Variants in MVD observed in about 807,000 individuals in gnomAD.
MVD encodes the protein diphosphomevalonate decarboxylase.
A neutral mutation model predicts 42.4 loss-of-function variants in MVD; 52 were observed. The ratio of observed to expected loss-of-function variants is 1.23; its 90% CI spans 0.98 to 1.55. MVD has a LOEUF of 1.55. MVD is among the 40% of genes most tolerant of loss of function. The probability of loss-of-function intolerance (pLI) is 0.00; values close to 1 mark genes in which losing one functional copy is unlikely to be tolerated. For missense variants in MVD, 663 were observed against 572.1 expected, an observed-to-expected ratio of 1.16 and a Z score of -1.62; for synonymous variants, 287 against 243.2, an observed-to-expected ratio of 1.18 and a Z score of -1.68.
In MVD at chr16:88,652,407, G is replaced by A. The variant is rs781310967; in HGVS notation, c.*118C>T. On this transcript the variant is annotated 3_prime_UTR_variant, in exon 10 of 10. Transcript: ENST00000301012. ...CTGCCCCACAGCAAGCTGCCCATGG[G>A]CCCGGGGTCAAGCCACCACCCACAT... The A allele has an allele frequency of 2.6e-4, 305 of 1,162,958 alleles. 1 individual carries two copies. The highest frequency in any genetic ancestry group is 8.9e-4 in the Admixed American group (45 of 50,324). The allele number at this position is 1,162,958 out of a possible 1,614,324, so 72.0% of individuals were successfully genotyped here.
At chr16:88,657,815 G>T in intron 3 of MVD, 100 bp downstream of exon 3, 2 of 1,344,332 alleles carry the variant, frequency 1.5e-6, no homozygotes, top group Non-Finnish European at 1.0e-6. Flanking sequence ...CAGCCACCCC[G>T]CCTGCTGCCT....
At chr16:88,658,990 T>A in intron 1 of MVD, 2 of 454,804 alleles carry the variant, frequency 4.4e-6, no homozygotes, top group Non-Finnish European at 4.1e-6. Flanking sequence ...CCAGCATCCG[T>A]GAGTGCCCAG....
At chr16:88,655,853 T>C in intron 5 of MVD, 123 bp from the exon 6 acceptor site, 2 of 1,245,910 alleles carry the variant, frequency 1.6e-6, no homozygotes, top group Non-Finnish European at 2.2e-6. Flanking sequence ...CAGTGCCACC[T>C]GCCTGACCAC....
Position 88,663,043 on chromosome 16 carries a change from G to A in MVD, c.38C>T (p.Thr13Ile). Reference sequence around the variant, plus strand: ...GATGACCGCGATGTTGACCGGCGCTGTACAAGTGACTGCCGCCAGCGGCTT... The same window carrying A: ...GATGACCGCGATGTTGACCGGCGCTATACAAGTGACTGCCGCCAGCGGCTT... ...SEKPLAAVTC[T>I]APVNIAVIKY... is the part of the protein sequence containing the mutation. The change falls in exon 1 of 10, where the codon ACA becomes ATA. Residue 13 changes from threonine (T) to isoleucine (I), a missense_variant. By Grantham distance (89) the Thr-to-Ile change is moderately conservative (BLOSUM62 -1). Coordinates refer to ENST00000301012, the MANE Select transcript of MVD (RefSeq NM_002461.3). The A allele has an allele frequency of 6.2e-7, 1 of 1,610,278 alleles. No individual in the cohort carries two copies. Among genetic ancestry groups the A allele is most frequent in the African/African-American group, 1.3e-5 (1 of 74,864 alleles).
chr16:88,656,706 C>A, intron 4 of MVD: 2 of 269,480 alleles, frequency 7.4e-6, no homozygotes, highest in South Asian at 8.8e-5. Context: ...CAAGACGCGC[C>A]CCCTGCCCAC....
At chr16:88,654,128 C>A (rs1173001938) in intron 8 of MVD, among the ~76,000 whole-genome samples, 1 of 149,688 alleles carries the variant, frequency 6.7e-6, no homozygotes, top group African/African-American at 2.5e-5. Context: ...GGCACCCCCA[C>A]AGAGCAGCGC....
rs768612733 is a variant in MVD at position 88,658,581 on chromosome 16, C to T, written c.141+69G>A. 3.5e-4 allele frequency: 518 copies of T among 1,495,830 alleles called. 1 individual carries two copies. The highest frequency in any genetic ancestry group is 6.9e-4 in the Admixed American group (39 of 56,274). 92.7% of individuals were successfully genotyped at this position (1,495,830 alleles called of 1,614,324 possible). On this transcript the variant is annotated intron_variant, in intron 2 of 9. Transcript: ENST00000301012. Reference sequence around the variant, plus strand: ...TGCAGATGTGAGCCACCATACCCAACGGGTACCAACTGTTCTACAAATGTT... The same window carrying T: ...TGCAGATGTGAGCCACCATACCCAATGGGTACCAACTGTTCTACAAATGTT...
chr16:88,658,775 GTGTTCCCCACA>G, intron 1 of MVD, 55 bp from the exon 2 acceptor site: 1 of 1,040,202 alleles, frequency 9.6e-7, no homozygotes. Flanking sequence ...CCCTCCCCCA[GTGTTCCCCACA>G]GGTGCCCCCA....
At chr16:88,652,982 G>C (rs990388510) in intron 9 of MVD, among the ~76,000 whole-genome samples, 1 of 151,906 alleles carries the variant, frequency 6.6e-6, no homozygotes, top group Non-Finnish European at 1.5e-5. Flanking sequence ...TGGTTGGGGT[G>C]GGGGGGTCCC....
At chr16:88,661,569 C>G (rs548778808) in intron 1 of MVD, among the ~76,000 whole-genome samples, 5 of 152,016 alleles carry the variant, frequency 3.3e-5, no homozygotes, top group African/African-American at 1.2e-4. Context: ...AAAAGCAAAC[C>G]ATCCAGTTCG....
chr16:88,657,256 T>C, intron 4 of MVD, 180 bp downstream of exon 4: 2 of 908,620 alleles, frequency 2.2e-6, no homozygotes, highest in Middle Eastern at 2.1e-4. Flanking sequence ...AACTGGAAGA[T>C]GAAAATGTTC....
chr16:88,652,467 C>T lies in MVD; in HGVS notation c.*58G>A. 2 of 1,533,564 alleles carry T rather than the reference C, an allele frequency of 1.3e-6. No individual in the cohort carries two copies. Among genetic ancestry groups the T allele is most frequent in the Non-Finnish European group, 1.8e-6 (2 of 1,132,282 alleles). 95.0% of individuals were successfully genotyped at this position (1,533,564 alleles called of 1,614,324 possible). On this transcript the variant is annotated 3_prime_UTR_variant, in exon 10 of 10. Coordinates refer to ENST00000301012, the MANE Select transcript of MVD (RefSeq NM_002461.3). ...GTCCGGCCAGCCCACCACATCCGCT[C>T]CCTAGCTCCGGCGAGGCCACCCCTT...
chr16:88,661,063 C>T (rs1908261737), intron 1 of MVD, among the ~76,000 whole-genome samples: 1 of 141,006 alleles, frequency 7.1e-6, no homozygotes, highest in East Asian at 2.0e-4. Context: ...AATAGACCCA[C>T]ACAAACATGC....
rs1907799816 is a variant in MVD, at chr16:88,654,764, G to A, written c.941C>T (p.Thr314Ile). The change falls in exon 8 of 10, where the codon ACC becomes ATC. Residue 314 changes from threonine to isoleucine, a missense_variant. Transcript: ENST00000301012. ...FDAGPNAVIFTLDDTVAEFVA... is the reference protein window; with the variant it reads ...FDAGPNAVIFILDDTVAEFVA... ...AAACTCAGCCACAGTGTCGTCCAGG[G>A]TGAAGATCACGGCATTGGGGCCCGC... 4 of 1,599,308 alleles carry A rather than the reference G, an allele frequency of 2.5e-6. No individual in the cohort carries two copies. Among genetic ancestry groups the A allele is most frequent in the Non-Finnish European group, 3.4e-6 (4 of 1,175,246 alleles).
intron 3 of MVD, 115 bp downstream of exon 3, chr16:88,657,800 G>T (rs1908030880): frequency 1.5e-6 from 2 of 1,302,702 alleles, no homozygotes; most frequent in Non-Finnish European, 1.1e-6. Context: ...GGCATGTCTG[G>T]TTCCCAGCCA....
At chr16:88,658,932 G>A (rs1908117485) in intron 1 of MVD, 1 of 566,260 alleles carries the variant, frequency 1.8e-6, no homozygotes, top group African/African-American at 1.9e-5. Context: ...CAGAGCTGGA[G>A]GCCAGCCAAC....
rs757341385 is a variant in MVD at position 88,657,900 on chromosome 16, G to A, written c.256+15C>T. ...GACAACAGGGAGGGATGGGCTTATG[G>A]GGACCCCAGCTCACTCTCCCGCAGG... On this transcript the variant is annotated intron_variant, in intron 3 of 9. Transcript: ENST00000301012. 10 of 1,610,606 alleles carry A rather than the reference G, an allele frequency of 6.2e-6. No homozygotes were observed. The highest frequency in any genetic ancestry group is 5.0e-5 in the Admixed American group (3 of 59,998).
At position 88,652,163 on chromosome 16, in the gene MVD, C is replaced by T. The variant is rs934535580; in HGVS notation, c.*362G>A. 2.1e-5 allele frequency: 8 copies of T among 381,106 alleles called. No homozygotes were observed. Among genetic ancestry groups the T allele is most frequent in the African/African-American group, 6.3e-5 (3 of 47,336 alleles). The allele number at this position is 381,106 out of a possible 1,614,324, so 23.6% of individuals were successfully genotyped here. On this transcript the variant is annotated 3_prime_UTR_variant, in exon 10 of 10. Transcript: ENST00000301012. Reference sequence around the variant, plus strand: ...CAGCACGGTGACCCCTTCCCTGGTCCGCTGGAGGGACCACCTCCCCACTGA... The same window carrying T: ...CAGCACGGTGACCCCTTCCCTGGTCTGCTGGAGGGACCACCTCCCCACTGA...
intron 6 of MVD, 40 bp from the exon 7 acceptor site, chr16:88,655,457 T>G: frequency 1.3e-6 from 2 of 1,538,278 alleles, no homozygotes; most frequent in Non-Finnish European, 1.7e-6. Context: ...CCGCTGGGGG[T>G]CTCGACAGCA....
Sources: gnomAD v4.1 joint callset for allele counts (sites outside exome capture counted in the v4.1 genomes callset) on GRCh38, gnomAD v4.1.1 for gene constraint, MANE v1.5 for transcripts, NCBI Gene and HGNC (gene_info 2026-07-23, HGNC 2026-07-21) for gene names.